The following DERA variants were observed in gnomAD, a reference collection of about 807,000 sequenced individuals.
DERA encodes the protein deoxyribose-phosphate aldolase.
DERA carries 15 observed loss-of-function variants against 41.1 expected under a neutral mutation model. That is an observed-to-expected ratio of 0.37 (90% CI 0.24 to 0.56). The LOEUF (loss-of-function observed/expected upper bound fraction) is 0.56. Among genes scored for constraint, DERA ranks in the 20% least tolerant of loss-of-function variants. The probability of loss-of-function intolerance (pLI) is 0.81; values close to 1 mark genes in which losing one functional copy is unlikely to be tolerated. For missense variants in DERA, 396 were observed against 403.4 expected, an observed-to-expected ratio of 0.98 and a Z score of 0.16; for synonymous variants, 139 against 137.4, an observed-to-expected ratio of 1.01 and a Z score of -0.08.
At position 16,020,024 on chromosome 12, in the gene DERA, C is replaced by T. The variant is rs370309927; in HGVS notation, c.638-12518C>T. On this transcript the variant is annotated intron_variant, in intron 6 of 8. Transcript: ENST00000428559. This position sits in a 1 kb window ranked among gnomAD's most constrained non-coding sequence, Gnocchi z 5.5. The stretch of plus-strand genomic sequence containing the variant: ...CCTCCCCGCATCTCACTCCCACTCT[C>T]GCCATCTGACATGCCTGCTCTCTTT... Among the ~76,000 whole-genome samples, 60 of 152,244 alleles carry T rather than the reference C, an allele frequency of 3.9e-4. No homozygotes were observed. In the South Asian group the frequency reaches 5.8e-3, roughly 15 times the overall value.
Position 16,000,801 on chromosome 12 carries a change from G to A in DERA, c.637+18365G>A, listed in dbSNP as rs1164415940. Among the ~76,000 whole-genome samples, 1 of 152,094 alleles carries A rather than the reference G, an allele frequency of 6.6e-6. No homozygotes were observed. Among genetic ancestry groups the A allele is most frequent in the African/African-American group, 2.4e-5 (1 of 41,406 alleles). On this transcript the variant is annotated intron_variant, in intron 6 of 8. Transcript: ENST00000428559. The surrounding 1 kb of genome is among the most constrained non-coding windows in gnomAD (Gnocchi z 4.8). ...TTTAATAAAAAGAAAAAGCATATATGTTACCTCAGAGTCTGTAATGATACC... is the reference window on the plus strand; with the variant it reads ...TTTAATAAAAAGAAAAAGCATATATATTACCTCAGAGTCTGTAATGATACC...
At chr12:16,029,940 T>TTTTTG (rs56329881) in intron 6 of DERA, among the ~76,000 whole-genome samples, 1 of 127,640 alleles carries the variant, frequency 7.8e-6, no homozygotes, top group Non-Finnish European at 1.7e-5. Context: ...TTTTTTTTTT[T>TTTTTG]GAGATGGAGT....
intron 1 of DERA, among the ~76,000 whole-genome samples, chr12:15,920,524 A>G (rs930377893): frequency 6.6e-6 from 1 of 152,174 alleles, no homozygotes; most frequent in Non-Finnish European, 1.5e-5. Flanking sequence ...CCTGAGCCCC[A>G]CAATAGCTTT....
chr12:15,944,534 G>A (rs1317848749), intron 1 of DERA, among the ~76,000 whole-genome samples: 1 of 152,176 alleles, frequency 6.6e-6, no homozygotes, highest in African/African-American at 2.4e-5. Flanking sequence ...CTTCTTTTGA[G>A]AAGTGTCTGT....
At chr12:16,029,810 C>T (rs1032575452) in intron 6 of DERA, among the ~76,000 whole-genome samples, 8 of 151,944 alleles carry the variant, frequency 5.3e-5, no homozygotes, top group African/African-American at 1.9e-4. Flanking sequence ...AGAGAGTGTC[C>T]ACCCCGCCCT....
intron 6 of DERA, among the ~76,000 whole-genome samples, chr12:16,031,683 G>A (rs139065530): frequency 6.6e-6 from 1 of 152,262 alleles, no homozygotes; most frequent in East Asian, 1.9e-4. Flanking sequence ...ACGCTGTGAT[G>A]TATTGTTTAG....
intron 1 of DERA, among the ~76,000 whole-genome samples, chr12:15,953,966 C>G (rs1214023452): frequency 6.6e-6 from 1 of 152,142 alleles, no homozygotes; most frequent in Non-Finnish European, 1.5e-5. Flanking sequence ...TTTATGACCG[C>G]TAATGATATT....
chr12:15,946,305 A>G (rs1948448194), intron 1 of DERA, among the ~76,000 whole-genome samples: 1 of 152,208 alleles, frequency 6.6e-6, no homozygotes, highest in Admixed American at 6.5e-5. Flanking sequence ...AAGGAATGCT[A>G]CCAGCTCCTC....
chr12:15,972,917 A>G lies in DERA; in HGVS notation c.509-9391A>G, dbSNP rs1159866246. Among the ~76,000 whole-genome samples, 3 of 152,214 alleles carry G rather than the reference A, an allele frequency of 2.0e-5. No homozygotes were observed. The highest frequency in any genetic ancestry group is 1.5e-5 in the Non-Finnish European group (1 of 68,040). The stretch of plus-strand genomic sequence containing the variant: ...GGACAGCATTGCAGAAGGTAGGGCC[A>G]GTTGTCAACCTGATTTGGATGCTGT... On this transcript the variant is annotated intron_variant, in intron 5 of 8. Transcript: ENST00000428559. The surrounding 1 kb of genome is among the most constrained non-coding windows in gnomAD (Gnocchi z 4.4).
chr12:16,006,123 G>A (rs1269341004), intron 6 of DERA, among the ~76,000 whole-genome samples: 1 of 152,164 alleles, frequency 6.6e-6, no homozygotes. Context: ...TAGATGATGA[G>A]AACTAGATGT....
At position 15,952,150 on chromosome 12, in the gene DERA, C is replaced by T. The variant is rs939727339; in HGVS notation, c.32-4786C>T. On this transcript the variant is annotated intron_variant, in intron 1 of 8. Coordinates refer to ENST00000428559, the MANE Select transcript of DERA (RefSeq NM_015954.4). Reference sequence around the variant, plus strand: ...TCCTGACCTCGTGATCCGCCTGCCTCGGCCTCCCAAAGTGCTGGGATTACA... The same window carrying T: ...TCCTGACCTCGTGATCCGCCTGCCTTGGCCTCCCAAAGTGCTGGGATTACA... Among the ~76,000 whole-genome samples the T allele has an allele frequency of 8.5e-5, 13 of 152,312 alleles. No individual in the cohort carries two copies. The East Asian group carries it at 1.4e-3, about 16-fold the overall frequency.
In DERA at chr12:16,036,166, T is replaced by C. The variant is rs925747691; in HGVS notation, c.751-66T>C. ...GAGAGAATCAAGACTCTGATAAACA[T>C]AGTACTATTTTTAAAAGAAATCCAA... On this transcript the variant is annotated intron_variant, in intron 7 of 8. Coordinates refer to ENST00000428559, the MANE Select transcript of DERA (RefSeq NM_015954.4). This position sits in a 1 kb window ranked among gnomAD's most constrained non-coding sequence, Gnocchi z 4.9. The C allele has an allele frequency of 5.9e-6, 8 of 1,357,254 alleles. No homozygotes were observed. Among genetic ancestry groups the C allele is most frequent in the East Asian group, 2.7e-5 (1 of 36,902 alleles). 84.1% of individuals were successfully genotyped at this position (1,357,254 alleles called of 1,614,324 possible).
intron 6 of DERA, among the ~76,000 whole-genome samples, chr12:16,015,349 G>A (rs1565614671): frequency 6.6e-6 from 1 of 152,126 alleles, no homozygotes; most frequent in African/African-American, 2.4e-5. Flanking sequence ...GAATAATGGG[G>A]GTGGTTTCAC....
intron 6 of DERA, among the ~76,000 whole-genome samples, chr12:16,018,077 T>C (rs1948994918): frequency 6.6e-6 from 1 of 152,198 alleles, no homozygotes; most frequent in Non-Finnish European, 1.5e-5. Context: ...AATAAAAATG[T>C]GTGTTTTCCC....
chr12:15,990,380 G>A lies in DERA; in HGVS notation c.637+7944G>A, dbSNP rs897618416. Among the ~76,000 whole-genome samples, 9 of 152,210 alleles carry A rather than the reference G, an allele frequency of 5.9e-5. No individual in the cohort carries two copies. Among genetic ancestry groups the A allele is most frequent in the African/African-American group, 1.7e-4 (7 of 41,458 alleles). On this transcript the variant is annotated intron_variant, in intron 6 of 8. Transcript: ENST00000428559. The surrounding 1 kb of genome is among the most constrained non-coding windows in gnomAD (Gnocchi z 4.3). ...GATTAATTGAGAATCACAATTAGAT[G>A]TGGTCTAGTTAATGATATGTTTGTG...
rs113021478 is a variant in DERA at position 15,941,890 on chromosome 12, A to G, written c.32-15046A>G. On this transcript the variant is annotated intron_variant, in intron 1 of 8. Coordinates refer to ENST00000428559, the MANE Select transcript of DERA (RefSeq NM_015954.4). This position sits in a 1 kb window ranked among gnomAD's most constrained non-coding sequence, Gnocchi z 4.5. ...TTCTTTTCCTTTGGGAAGATACCTA[A>G]TAGTGGGATTGCTGGATTGAATGGT... 0.017 allele frequency among the ~76,000 whole-genome samples: 2,525 copies of G among 152,310 alleles called. 81 individuals carry two copies. The highest frequency in any genetic ancestry group is 0.059 in the African/African-American group (2,437 of 41,552).
chr12:15,914,106 C>A (rs1257161108), intron 1 of DERA, among the ~76,000 whole-genome samples: 1 of 152,132 alleles, frequency 6.6e-6, no homozygotes, highest in Non-Finnish European at 1.5e-5. Flanking sequence ...TGAGGCTGGG[C>A]ATGGTGGCTC....
intron 1 of DERA, among the ~76,000 whole-genome samples, chr12:15,950,766 T>C (rs1948491627): frequency 6.6e-6 from 1 of 152,250 alleles, no homozygotes; most frequent in South Asian, 2.1e-4. Context: ...TAACTTTTCA[T>C]TGTAGCTCAG....
chr12:15,994,791 A>C lies in DERA; in HGVS notation c.637+12355A>C, dbSNP rs1182906087. Among the ~76,000 whole-genome samples, 1 of 152,228 alleles carries C rather than the reference A, an allele frequency of 6.6e-6. No homozygotes were observed. The highest frequency in any genetic ancestry group is 2.4e-5 in the African/African-American group (1 of 41,452). On this transcript the variant is annotated intron_variant, in intron 6 of 8. Coordinates refer to ENST00000428559, the MANE Select transcript of DERA (RefSeq NM_015954.4). The surrounding 1 kb of genome is among the most constrained non-coding windows in gnomAD (Gnocchi z 4.8). Reference sequence around the variant, plus strand: ...AATGGTGGGAAATTGGAATCCTTGAATGGATCCCTCAGTATATTGTACCAG... The same window carrying C: ...AATGGTGGGAAATTGGAATCCTTGACTGGATCCCTCAGTATATTGTACCAG...
Sources: gnomAD v4.1 joint callset for allele counts (sites outside exome capture counted in the v4.1 genomes callset) on GRCh38, gnomAD v4.1.1 for gene constraint, Gnocchi (gnomAD v3.1) non-coding constraint, MANE v1.5 for transcripts, NCBI Gene and HGNC (gene_info 2026-07-23, HGNC 2026-07-21) for gene names.